The following EPM2A variants were observed in gnomAD, a reference collection of about 807,000 sequenced individuals.
The protein encoded by EPM2A is laforin.
EPM2A carries 21 observed loss-of-function variants against 26.5 expected under a neutral mutation model. That is an observed-to-expected ratio of 0.79 (90% confidence interval 0.56 to 1.14). The LOEUF (loss-of-function observed/expected upper bound fraction) is 1.14. Among genes scored for constraint, EPM2A ranks in the 50% most tolerant of loss-of-function variants. EPM2A has a pLI of 0.00. For missense variants in EPM2A, 458 were observed against 440.8 expected (o/e 1.04, Z -0.35); for synonymous variants, 217 against 177.6 (o/e 1.22, Z -1.76).
chr6:145,729,807 G>A (rs1776392928), intron 1 of EPM2A, among the ~76,000 whole-genome samples: 1 of 152,154 alleles, frequency 6.6e-6, no homozygotes, highest in African/African-American at 2.4e-5. Context: ...GAGAAGGACA[G>A]GAGATTTGGG....
intron 2 of EPM2A, among the ~76,000 whole-genome samples, chr6:145,594,969 A>T (rs921173908): frequency 2.7e-5 from 4 of 150,318 alleles, no homozygotes; most frequent in African/African-American, 9.8e-5. Context: ...TTTTGTCCCA[A>T]TTTTTTTTTC....
At chr6:145,443,528 G>A (rs1779094255) in intron 4 of EPM2A, among the ~76,000 whole-genome samples, 1 of 152,110 alleles carries the variant, frequency 6.6e-6, no homozygotes, top group Non-Finnish European at 1.5e-5. Flanking sequence ...TTGGCTCTCA[G>A]CTTGGGTGCT....
At chr6:145,679,711 C>T (rs781487679) in intron 2 of EPM2A, among the ~76,000 whole-genome samples, 1 of 152,090 alleles carries the variant, frequency 6.6e-6, no homozygotes, top group Non-Finnish European at 1.5e-5. Flanking sequence ...TGCAAAGATT[C>T]TGCAGGCTTC....
At chr6:145,519,423 C>T (rs1009690956) in intron 2 of EPM2A, among the ~76,000 whole-genome samples, 4 of 152,066 alleles carry the variant, frequency 2.6e-5, no homozygotes, top group African/African-American at 9.7e-5. Context: ...AGAATAGAGC[C>T]GCTAATGTTT....
At chr6:145,404,886 A>G (rs1289873255) in intron 4 of EPM2A, among the ~76,000 whole-genome samples, 11 of 152,116 alleles carry the variant, frequency 7.2e-5, no homozygotes, top group Non-Finnish European at 1.6e-4. Context: ...AATATAAATA[A>G]CCTGGAAGTG....
chr6:145,501,098 G>A (rs1779883489), downstream of EPM2A, among the ~76,000 whole-genome samples: 1 of 152,144 alleles, frequency 6.6e-6, no homozygotes, highest in African/African-American at 2.4e-5. Flanking sequence ...ACTGTGGAGA[G>A]GAGAGGAGAG....
At chr6:145,389,050 G>A (rs1055049291) in intron 4 of EPM2A, among the ~76,000 whole-genome samples, 9 of 151,982 alleles carry the variant, frequency 5.9e-5, no homozygotes, top group African/African-American at 2.2e-4. Context: ...GGGTCAAATG[G>A]TATTTCTAGT....
intron 2 of EPM2A, among the ~76,000 whole-genome samples, chr6:145,577,311 A>G (rs1409818726): frequency 1.3e-5 from 2 of 151,466 alleles, no homozygotes; most frequent in Non-Finnish European, 1.5e-5. Flanking sequence ...AAGACTATAA[A>G]GACACATAGA....
chr6:145,439,325 C>CCAG (rs1779031560), intron 4 of EPM2A, among the ~76,000 whole-genome samples: 1 of 151,918 alleles, frequency 6.6e-6, no homozygotes, highest in South Asian at 2.1e-4. Flanking sequence ...GGATATATAC[C>CCAG]CAGTAGTGAG....
chr6:145,707,390 T>A (rs1782282492), intron 1 of EPM2A, among the ~76,000 whole-genome samples: 1 of 152,200 alleles, frequency 6.6e-6, no homozygotes, highest in Admixed American at 6.5e-5. Flanking sequence ...CTAAGAAGTT[T>A]AGACTTATTT....
At chr6:145,465,305 T>C (rs1005284815) in intron 4 of EPM2A, among the ~76,000 whole-genome samples, 1 of 150,788 alleles carries the variant, frequency 6.6e-6, no homozygotes, top group Non-Finnish European at 1.5e-5. Context: ...TCTCGAGCCT[T>C]GGTTTTCAGC....
chr6:145,418,437 C>T (rs1162669227), intron 4 of EPM2A, among the ~76,000 whole-genome samples: 1 of 152,124 alleles, frequency 6.6e-6, no homozygotes, highest in Non-Finnish European at 1.5e-5. Flanking sequence ...GTGACAGGTG[C>T]TGGAAAAGAG....
chr6:145,452,794 G>C (rs6936829), intron 4 of EPM2A, among the ~76,000 whole-genome samples: 98,207 of 151,954 alleles, frequency 0.65, 33,249 homozygotes, highest in East Asian at 0.8. Flanking sequence ...TATTTTTGGT[G>C]AATCTCTAGG....
At chr6:145,525,248 T>C (rs1442690611) in intron 2 of EPM2A, among the ~76,000 whole-genome samples, 1 of 151,184 alleles carries the variant, frequency 6.6e-6, no homozygotes, top group Non-Finnish European at 1.5e-5. Flanking sequence ...TATTTATTTA[T>C]TTATTTATTT....
At chr6:145,536,260 T>C (rs1184207872) in intron 2 of EPM2A, among the ~76,000 whole-genome samples, 1 of 147,500 alleles carries the variant, frequency 6.8e-6, no homozygotes, top group African/African-American at 2.5e-5. Flanking sequence ...TTTGTTTTTG[T>C]TTTTGTTTTT....
At chr6:145,585,571 T>C (rs1253468396) in intron 2 of EPM2A, among the ~76,000 whole-genome samples, 1 of 152,200 alleles carries the variant, frequency 6.6e-6, no homozygotes. Flanking sequence ...TCTTATGTCT[T>C]CCTTCTCTCA....
At chr6:145,396,656 C>T (rs1778409605) in intron 4 of EPM2A, among the ~76,000 whole-genome samples, 1 of 151,970 alleles carries the variant, frequency 6.6e-6, no homozygotes, top group African/African-American at 2.4e-5. Flanking sequence ...TTTGCAATGT[C>T]TGCCCTCAGT....
intron 2 of EPM2A, among the ~76,000 whole-genome samples, chr6:145,555,903 C>CT (rs1780722673): frequency 6.6e-6 from 1 of 152,108 alleles, no homozygotes; most frequent in Non-Finnish European, 1.5e-5. Flanking sequence ...ACAACTCAAA[C>CT]TTATGCCTAC....
chr6:145,401,299 A>G (rs1457645544), intron 4 of EPM2A, among the ~76,000 whole-genome samples: 1 of 152,132 alleles, frequency 6.6e-6, no homozygotes, highest in East Asian at 1.9e-4. Context: ...TTTATATATC[A>G]TATACACAAG....
Sources: gnomAD v4.1 joint callset for allele counts (sites outside exome capture counted in the v4.1 genomes callset) on GRCh38, gnomAD v4.1.1 for gene constraint, MANE v1.5 for transcripts, NCBI Gene and HGNC (gene_info 2026-07-23, HGNC 2026-07-21) for gene names.